ABCB11: variants seen among roughly 807,000 people sequenced by gnomAD.
ABCB11 encodes bile salt export pump.
In ABCB11, 95 loss-of-function variants were observed where a neutral mutation model predicts 148.0. The observed-to-expected ratio is 0.64, with a 90% CI of 0.54 to 0.76. The LOEUF is 0.76. Among genes scored for constraint, ABCB11 ranks in the 30% least tolerant of loss-of-function variants. ABCB11 has a pLI of 0.00. For synonymous variants in ABCB11, 591 were observed against 555.4 expected (o/e 1.06, Z -0.90); for missense variants, 1,523 against 1,617.8 (o/e 0.94, Z 1.01).
At chr2:168,935,560 C>T (rs1261562283) in intron 22 of ABCB11, 135 bp from the exon 23 acceptor site, 14 of 1,225,328 alleles carry the variant, frequency 1.1e-5, no homozygotes, top group East Asian at 4.7e-5. Flanking sequence ...TCTGGGAATA[C>T]AAAGACGTGG....
chr2:168,929,820 G>T (rs1034143147), intron 25 of ABCB11, among the ~76,000 whole-genome samples: 1 of 152,148 alleles, frequency 6.6e-6, no homozygotes, highest in African/African-American at 2.4e-5. Flanking sequence ...GTAGGCAAAA[G>T]GAGGGAGTGG....
intron 19 of ABCB11, among the ~76,000 whole-genome samples, chr2:168,949,800 T>C (rs1692477147): frequency 6.6e-6 from 1 of 151,610 alleles, no homozygotes; most frequent in African/African-American, 2.4e-5. Flanking sequence ...ACAAAGGAGA[T>C]TAACATTTGA....
At chr2:168,942,736 C>T (rs377103865) in intron 21 of ABCB11, among the ~76,000 whole-genome samples, 4 of 151,580 alleles carry the variant, frequency 2.6e-5, no homozygotes, top group African/African-American at 7.3e-5. Context: ...AATATATACA[C>T]CTACTTGGTA....
intron 26 of ABCB11, among the ~76,000 whole-genome samples, chr2:168,926,742 A>G (rs936582234): frequency 6.6e-6 from 1 of 152,204 alleles, no homozygotes; most frequent in African/African-American, 2.4e-5. Context: ...TACAGATTGA[A>G]TATTTCTTAT....
chr2:168,979,789 A>G, intron 11 of ABCB11, 77 bp downstream of exon 11: 1 of 779,770 alleles, frequency 1.3e-6, no homozygotes, highest in East Asian at 2.9e-5. Context: ...TTTAAGGTAA[A>G]TTCTTCAGGA....
intron 19 of ABCB11, among the ~76,000 whole-genome samples, chr2:168,954,633 T>G (rs1462748123): frequency 6.6e-6 from 1 of 151,618 alleles, no homozygotes; most frequent in Non-Finnish European, 1.5e-5. Context: ...AGTAGATGCT[T>G]TACTCTTGCT....
Position 168,930,656 on chromosome 2 carries a change from G to C in ABCB11, c.3411+9C>G, listed in dbSNP as rs201287126. On this transcript the variant is annotated intron_variant, in intron 25 of 27. Transcript: ENST00000650372. ...AAGGCAAAATTCTCAAAAAGGTTGC[G>C]TGGCTTACCACCTTCCCTTGATCAG... 6.7e-7 allele frequency: 1 copy of C among 1,484,872 alleles called. No individual in the cohort carries two copies. The highest frequency in any genetic ancestry group is 1.4e-5 in the African/African-American group (1 of 71,198). 92.0% of individuals were successfully genotyped at this position (1,484,872 alleles called of 1,614,324 possible).
At chr2:168,943,192 G>A (rs1692145672) in intron 21 of ABCB11, among the ~76,000 whole-genome samples, 1 of 151,912 alleles carries the variant, frequency 6.6e-6, no homozygotes, top group Admixed American at 6.6e-5. Context: ...GAAGAGATAA[G>A]ATTATGACTT....
intron 5 of ABCB11, among the ~76,000 whole-genome samples, chr2:169,000,305 T>C (rs1694832234): frequency 6.6e-6 from 1 of 152,132 alleles, no homozygotes. Context: ...TTTAATTTTA[T>C]TGAAGTCCAA....
At chr2:168,994,476 G>T (rs1481450569) in intron 7 of ABCB11, among the ~76,000 whole-genome samples, 1 of 151,968 alleles carries the variant, frequency 6.6e-6, no homozygotes, top group African/African-American at 2.4e-5. Context: ...CCTTTTTGTG[G>T]CTCAATTTTC....
chr2:168,929,523 C>T (rs1198019890), intron 25 of ABCB11, among the ~76,000 whole-genome samples: 1 of 152,094 alleles, frequency 6.6e-6, no homozygotes. Flanking sequence ...AATTGATTTT[C>T]AACTTTTAGA....
At chr2:168,965,644 C>T (rs1224391060) in intron 17 of ABCB11, among the ~76,000 whole-genome samples, 1 of 151,782 alleles carries the variant, frequency 6.6e-6, no homozygotes, top group African/African-American at 2.4e-5. Flanking sequence ...ATGCTGAAGA[C>T]TGTGTTTTAG....
chr2:168,947,492 G>C (rs982025649), intron 19 of ABCB11, among the ~76,000 whole-genome samples: 2 of 151,596 alleles, frequency 1.3e-5, no homozygotes. Flanking sequence ...TTGGCAACTG[G>C]GCTCCTAATA....
intron 5 of ABCB11, among the ~76,000 whole-genome samples, chr2:169,010,859 G>A (rs1000959054): frequency 1.1e-4 from 17 of 152,062 alleles, no homozygotes; most frequent in African/African-American, 4.1e-4. Context: ...TGCCTAGAAA[G>A]GTATAGTCTA....
intron 21 of ABCB11, among the ~76,000 whole-genome samples, chr2:168,942,013 T>C (rs1049487579): frequency 6.6e-5 from 10 of 152,026 alleles, no homozygotes; most frequent in South Asian, 2.1e-4. Flanking sequence ...TTCAGAACTA[T>C]ATCTGGTATT....
chr2:169,003,323 C>CGT (rs139250976), intron 5 of ABCB11, among the ~76,000 whole-genome samples: 15,392 of 141,508 alleles, frequency 0.11, 819 homozygotes, highest in Non-Finnish European at 0.13. Flanking sequence ...TTCCATGGTG[C>CGT]GTGTGTGTGT....
At position 168,987,997 on chromosome 2, in the gene ABCB11, G is replaced by A. The variant is rs116554015; in HGVS notation, c.909-1713C>T. Among the ~76,000 whole-genome samples the A allele has an allele frequency of 3.7e-3, 560 of 152,172 alleles. 6 individuals are homozygous for A. The highest frequency in any genetic ancestry group is 0.017 in the Middle Eastern group (5 of 294). ...TACCTCACATACTTATATTGTGTGTGTGTGTGTGATGAGAACACTTAAAAA... is the reference window on the plus strand; with the variant it reads ...TACCTCACATACTTATATTGTGTGTATGTGTGTGATGAGAACACTTAAAAA... On this transcript the variant is annotated intron_variant, in intron 9 of 27. Transcript: ENST00000650372.
rs994120683 is a variant in ABCB11, at chr2:168,942,265, T to A, written c.2610+2340A>T. Among the ~76,000 whole-genome samples the A allele has an allele frequency of 2.6e-5, 4 of 151,912 alleles. No individual in the cohort carries two copies. In the South Asian group the frequency reaches 8.3e-4, roughly 31 times the overall value. ...GCTAAAAACTAGAGTCTTGTTTGTATGTCTCTCAGGAAAATTTAGTATCCC... is the reference window on the plus strand; with the variant it reads ...GCTAAAAACTAGAGTCTTGTTTGTAAGTCTCTCAGGAAAATTTAGTATCCC... On this transcript the variant is annotated intron_variant, in intron 21 of 27. Transcript: ENST00000650372.
In ABCB11 at chr2:168,979,999, A is replaced by G. The variant is rs199810859; in HGVS notation, c.1084-20T>C. On this transcript the variant is annotated intron_variant, in intron 10 of 27. Coordinates refer to ENST00000650372, the MANE Select transcript of ABCB11 (RefSeq NM_003742.4). Reference sequence around the variant, plus strand: ...GAAAATCTGAAATGAAAAGAGAGAGATTTTTCATGTGTTTTTGTTAATGTG... The same window carrying G: ...GAAAATCTGAAATGAAAAGAGAGAGGTTTTTCATGTGTTTTTGTTAATGTG... The G allele has an allele frequency of 3.4e-6, 5 of 1,460,448 alleles. No homozygotes were observed. Among genetic ancestry groups the G allele is most frequent in the Non-Finnish European group, 1.9e-6 (2 of 1,043,218 alleles). The allele number at this position is 1,460,448 out of a possible 1,614,324, so 90.5% of individuals were successfully genotyped here.
Sources: gnomAD v4.1 joint callset for allele counts (sites outside exome capture counted in the v4.1 genomes callset) on GRCh38, gnomAD v4.1.1 for gene constraint, MANE v1.5 for transcripts, NCBI Gene and HGNC (gene_info 2026-07-23, HGNC 2026-07-21) for gene names.